Variants in PELI2 observed in about 807,000 individuals in gnomAD.
PELI2 encodes E3 ubiquitin-protein ligase pellino homolog 2.
PELI2 carries 23 observed loss-of-function variants against 42.3 expected under a neutral mutation model. The ratio of observed to expected loss-of-function variants is 0.54; its 90% confidence interval spans 0.39 to 0.77. PELI2 has a LOEUF of 0.77. PELI2 is among the 30% of genes least tolerant of loss of function. PELI2 has a pLI of 0.00. For synonymous variants in PELI2, 245 were observed against 212.2 expected (o/e 1.15, Z -1.34); for missense variants, 463 against 553.2 (o/e 0.84, Z 1.64).
intron 1 of PELI2, among the ~76,000 whole-genome samples, chr14:56,130,136 G>C (rs1016493223): frequency 3.9e-5 from 6 of 152,030 alleles, no homozygotes; most frequent in Non-Finnish European, 8.8e-5. Flanking sequence ...GGTTCTTCCT[G>C]CTCCTTGGGG....
At chr14:56,227,326 G>A (rs1887391782) in intron 2 of PELI2, among the ~76,000 whole-genome samples, 1 of 152,220 alleles carries the variant, frequency 6.6e-6, no homozygotes, top group South Asian at 2.1e-4. Context: ...CCCACTTAGA[G>A]TGAGGAGAGT....
At chr14:56,291,982 G>A (rs17091210) in intron 5 of PELI2, among the ~76,000 whole-genome samples, 6,043 of 152,282 alleles carry the variant, frequency 0.04, 412 homozygotes, top group African/African-American at 0.14. Flanking sequence ...GCCTCCCTGG[G>A]TGAGTATAAA....
At position 56,197,969 on chromosome 14, in the gene PELI2, GACACACAC is replaced by G. The variant is rs4038318; in HGVS notation, c.207+19542_207+19549del. Among the ~76,000 whole-genome samples the G allele has an allele frequency of 0.25, 31,964 of 129,536 alleles. 4,095 individuals are homozygous for G. Among genetic ancestry groups the G allele is most frequent in the Admixed American group, 0.34 (4,495 of 13,218 alleles). 85.0% of individuals were successfully genotyped at this position (129,536 alleles called of 152,430 possible). A position where few individuals can be genotyped will look rare whatever the true frequency, so the allele number is the denominator to read the frequency against. ...CACACCAGGGATCATGACTGGTGAA[GACACACAC>G]ACACACACACACACACACACACACA... On this transcript the variant is annotated intron_variant, in intron 2 of 5. Transcript: ENST00000267460. The surrounding 1 kb of genome is among the most constrained non-coding windows in gnomAD (Gnocchi z 4.9).
At chr14:56,182,093 A>G (rs890091201) in intron 2 of PELI2, among the ~76,000 whole-genome samples, 28 of 152,220 alleles carry the variant, frequency 1.8e-4, no homozygotes, top group African/African-American at 6.8e-4. Context: ...CATGGGATAT[A>G]CATTCAACTG....
chr14:56,201,490 G>A (rs936142511), intron 2 of PELI2, among the ~76,000 whole-genome samples: 1 of 152,192 alleles, frequency 6.6e-6, no homozygotes, highest in Non-Finnish European at 1.5e-5. Flanking sequence ...TCATGTGTCT[G>A]TGTACAGAGA....
Position 56,219,619 on chromosome 14 carries a change from C to T in PELI2, c.207+41155C>T, listed in dbSNP as rs1887049726. On this transcript the variant is annotated intron_variant, in intron 2 of 5. Coordinates refer to ENST00000267460, the MANE Select transcript of PELI2 (RefSeq NM_021255.3). This position sits in a 1 kb window ranked among gnomAD's most constrained non-coding sequence, Gnocchi z 4.1. ...CTCATAAGAGGCCTCCTTAGTCCTACTCCCAGGACACATTTGTTCTTGTTT... is the reference window on the plus strand; with the variant it reads ...CTCATAAGAGGCCTCCTTAGTCCTATTCCCAGGACACATTTGTTCTTGTTT... Among the ~76,000 whole-genome samples the T allele has an allele frequency of 6.6e-6, 1 of 152,174 alleles. No individual in the cohort carries two copies. The highest frequency in any genetic ancestry group is 2.4e-5 in the African/African-American group (1 of 41,436).
In PELI2 at chr14:56,296,527, C is replaced by T; in HGVS notation, c.697-73C>T. The stretch of plus-strand genomic sequence containing the variant: ...ATCTTCAAATATTTTTTTGCTTGTT[C>T]TGAGAGGAAAGAATCTTGGAGTGAT... On this transcript the variant is annotated intron_variant, in intron 5 of 5. Transcript: ENST00000267460. The T allele has an allele frequency of 4.8e-6, 5 of 1,047,742 alleles. No homozygotes were observed. In the Admixed American group the frequency reaches 6.8e-5, roughly 14 times the overall value. The allele number at this position is 1,047,742 out of a possible 1,614,324, so 64.9% of individuals were successfully genotyped here. A position where few individuals can be genotyped will look rare whatever the true frequency, so the allele number is the denominator to read the frequency against.
intron 2 of PELI2, among the ~76,000 whole-genome samples, chr14:56,207,677 G>A (rs887635970): frequency 6.6e-6 from 1 of 152,134 alleles, no homozygotes. Flanking sequence ...GGCTGGTAAG[G>A]GTTACAGAGC....
Position 56,290,600 on chromosome 14 carries a change from A to G in PELI2, c.696+144A>G, listed in dbSNP as rs1417243323. On this transcript the variant is annotated intron_variant, in intron 5 of 5. Transcript: ENST00000267460. ...TAACTCAGGAGAAGCAGAATTCCACAAGCCCCTGAAATCAAGAGGGAAATG... is the reference window on the plus strand; with the variant it reads ...TAACTCAGGAGAAGCAGAATTCCACGAGCCCCTGAAATCAAGAGGGAAATG... The G allele has an allele frequency of 1.8e-5, 9 of 492,234 alleles. No individual in the cohort carries two copies. In the East Asian group the frequency reaches 2.9e-4, roughly 16 times the overall value. 30.5% of individuals were successfully genotyped at this position (492,234 alleles called of 1,614,324 possible).
At chr14:56,289,350 G>A (rs927432430) in intron 4 of PELI2, among the ~76,000 whole-genome samples, 5 of 152,176 alleles carry the variant, frequency 3.3e-5, no homozygotes, top group Non-Finnish European at 7.3e-5. Context: ...CTTCCTGGGA[G>A]GTCTTCTTGT....
At chr14:56,202,651 A>C (rs1406893125) in intron 2 of PELI2, among the ~76,000 whole-genome samples, 2 of 152,154 alleles carry the variant, frequency 1.3e-5, no homozygotes, top group African/African-American at 4.8e-5. Flanking sequence ...GGTGGGACTC[A>C]AGAAGCCTGG....
chr14:56,223,208 G>A (rs989078148), intron 2 of PELI2, among the ~76,000 whole-genome samples: 1 of 152,100 alleles, frequency 6.6e-6, no homozygotes, highest in Non-Finnish European at 1.5e-5. Flanking sequence ...CGCTGCCAAG[G>A]GAGTCTTTCT....
At chr14:56,191,468 C>T (rs555888117) in intron 2 of PELI2, among the ~76,000 whole-genome samples, 4 of 152,246 alleles carry the variant, frequency 2.6e-5, no homozygotes, top group East Asian at 1.9e-4. Context: ...ACAGTGATAC[C>T]GGGTGGAGTC....
At chr14:56,260,856 A>G (rs754752224) in intron 2 of PELI2, among the ~76,000 whole-genome samples, 10 of 152,310 alleles carry the variant, frequency 6.6e-5, no homozygotes, top group Admixed American at 2.6e-4. Flanking sequence ...ATATGGACAC[A>G]TCTATGTTCA....
intron 1 of PELI2, among the ~76,000 whole-genome samples, chr14:56,125,302 T>C (rs1256338089): frequency 6.6e-6 from 1 of 151,964 alleles, no homozygotes; most frequent in Non-Finnish European, 1.5e-5. Context: ...TGCTTGGAGC[T>C]TACCTTTTTT....
intron 2 of PELI2, among the ~76,000 whole-genome samples, chr14:56,226,539 A>G (rs754284684): frequency 1.3e-5 from 2 of 152,222 alleles, no homozygotes; most frequent in African/African-American, 2.4e-5. Context: ...ATAAATGTAC[A>G]GGTAATTAAG....
At chr14:56,133,863 C>A (rs961245542) in intron 1 of PELI2, among the ~76,000 whole-genome samples, 1 of 152,186 alleles carries the variant, frequency 6.6e-6, no homozygotes, top group Non-Finnish European at 1.5e-5. Flanking sequence ...GTCCCAGTAC[C>A]TGGTGTACCT....
intron 2 of PELI2, among the ~76,000 whole-genome samples, chr14:56,216,730 C>T (rs911794887): frequency 2.0e-5 from 3 of 152,214 alleles, no homozygotes; most frequent in Non-Finnish European, 4.4e-5. Context: ...GTTCAGAGTT[C>T]CATTGCTTTC....
intron 1 of PELI2, among the ~76,000 whole-genome samples, chr14:56,140,222 G>A (rs113442909): frequency 7.2e-5 from 11 of 151,820 alleles, no homozygotes; most frequent in East Asian, 1.9e-4. Context: ...CATGAATGTC[G>A]TCAGGACTTG....
Sources: gnomAD v4.1 joint callset for allele counts (sites outside exome capture counted in the v4.1 genomes callset) on GRCh38, gnomAD v4.1.1 for gene constraint, Gnocchi (gnomAD v3.1) non-coding constraint, MANE v1.5 for transcripts, NCBI Gene and HGNC (gene_info 2026-07-23, HGNC 2026-07-21) for gene names.